Variants in ATG7 observed in about 807,000 individuals in gnomAD.
The protein encoded by ATG7 is ubiquitin-like modifier-activating enzyme ATG7.
A neutral mutation model predicts 82.4 loss-of-function variants in ATG7; 70 were observed. That is an observed-to-expected ratio of 0.85 (90% CI 0.70 to 1.04). The LOEUF (loss-of-function observed/expected upper bound fraction) is 1.04. Among genes scored for constraint, ATG7 ranks in the 50% least tolerant of loss-of-function variants. The probability of loss-of-function intolerance (pLI) is 0.00; values close to 1 mark genes in which losing one functional copy is unlikely to be tolerated. For synonymous variants in ATG7, 287 were observed against 313.0 expected (o/e 0.92, Z 0.88); for missense variants, 792 against 864.3 (o/e 0.92, Z 1.05).
intron 14 of ATG7, among the ~76,000 whole-genome samples, chr3:11,353,168 G>A (rs1235165146): frequency 6.6e-6 from 1 of 152,216 alleles, no homozygotes; most frequent in Non-Finnish European, 1.5e-5. Flanking sequence ...TTTGGGCCGG[G>A]CACAGTGGCT....
At chr3:11,439,759 AAGCTTTCCAGAAGGGCCTGT>A (rs1024193888) in intron 20 of ATG7, among the ~76,000 whole-genome samples, 1 of 152,182 alleles carries the variant, frequency 6.6e-6, no homozygotes, top group Non-Finnish European at 1.5e-5. Context: ...AGGAGAGAAA[AAGCTTTCCAGAAGGGCCTGT>A]GGCATGACCA....
chr3:11,324,579 C>G (rs1226867552), intron 9 of ATG7, among the ~76,000 whole-genome samples: 1 of 152,152 alleles, frequency 6.6e-6, no homozygotes, highest in Non-Finnish European at 1.5e-5. Flanking sequence ...CATTCCTGCT[C>G]TCTATAGCCC....
intron 19 of ATG7, among the ~76,000 whole-genome samples, chr3:11,396,115 T>G (rs2079246473): frequency 7.5e-6 from 1 of 133,910 alleles, no homozygotes. Context: ...ATCAGAAGTA[T>G]AGGAAAAAAA....
At chr3:11,317,016 AT>A (rs1949508347) in intron 9 of ATG7, among the ~76,000 whole-genome samples, 1 of 151,574 alleles carries the variant, frequency 6.6e-6, no homozygotes. Flanking sequence ...TTTTTGTTGT[AT>A]TTTTATTAGA....
chr3:11,466,291 TC>T (rs576329187), intron 20 of ATG7, among the ~76,000 whole-genome samples: 45 of 152,360 alleles, frequency 3.0e-4, no homozygotes, highest in African/African-American at 1.0e-3. Context: ...AATATGTTTT[TC>T]CCCTCTTAAT....
In ATG7 at chr3:11,315,456, A is replaced by C; in HGVS notation, c.641A>C (p.Lys214Thr). 1 of 1,611,470 alleles carries C rather than the reference A, an allele frequency of 6.2e-7. No homozygotes were observed. Among genetic ancestry groups the C allele is most frequent in the African/African-American group, 1.3e-5 (1 of 74,962 alleles). ...AACATGGTGCTGGTTTCCTTGCTTA[A>C]ACACTACAGTGATTTCTTCCAAGGT... ...DENMVLVSLLKHYSDFFQGQR... is the reference protein window; with the variant it reads ...DENMVLVSLLTHYSDFFQGQR... Residue 214 changes from lysine (K) to threonine (T), a missense_variant, in exon 9 of 21, where the codon AAA becomes ACA. Transcript: ENST00000693202.
At chr3:11,515,215 TA>T (rs1553704938) in intron 20 of ATG7, among the ~76,000 whole-genome samples, 1 of 152,204 alleles carries the variant, frequency 6.6e-6, no homozygotes, top group Non-Finnish European at 1.5e-5. Context: ...AAAGGGACAC[TA>T]TAACACTTAG....
At chr3:11,484,702 C>T (rs2089424843) in intron 20 of ATG7, among the ~76,000 whole-genome samples, 1 of 152,172 alleles carries the variant, frequency 6.6e-6, no homozygotes, top group South Asian at 2.1e-4. Flanking sequence ...CCTCCCCTGA[C>T]CCCACGACAG....
At chr3:11,413,448 C>T (rs933244878) in intron 19 of ATG7, among the ~76,000 whole-genome samples, 1 of 152,112 alleles carries the variant, frequency 6.6e-6, no homozygotes, top group South Asian at 2.1e-4. Context: ...CCACTTTCTT[C>T]AGTTTATATG....
intron 3 of ATG7, chr3:11,290,650 G>T: frequency 4.0e-6 from 1 of 248,274 alleles, no homozygotes; most frequent in South Asian, 3.5e-5. Flanking sequence ...AAGGCACCAG[G>T]AACCACTATC....
intron 20 of ATG7, among the ~76,000 whole-genome samples, chr3:11,486,946 A>G (rs1574966582): frequency 1.3e-5 from 2 of 151,570 alleles, no homozygotes; most frequent in African/African-American, 2.4e-5. Context: ...CAAGTGAACA[A>G]AGGTCTTTGG....
chr3:11,334,969 AAAAAAAAT>A (rs1266282856), intron 11 of ATG7, among the ~76,000 whole-genome samples: 2 of 151,332 alleles, frequency 1.3e-5, no homozygotes, highest in African/African-American at 2.4e-5. Flanking sequence ...AAAAAAAAAA[AAAAAAAAT>A]CTCTTCTGAG....
intron 20 of ATG7, among the ~76,000 whole-genome samples, chr3:11,527,610 G>A (rs2092612453): frequency 6.6e-6 from 1 of 152,180 alleles, no homozygotes. Context: ...ACAGAGATCT[G>A]TGGTCATAGG....
At chr3:11,440,081 T>C (rs1281621117) in intron 20 of ATG7, among the ~76,000 whole-genome samples, 4 of 152,208 alleles carry the variant, frequency 2.6e-5, no homozygotes, top group Admixed American at 2.6e-4. Flanking sequence ...TACTTTCATA[T>C]TGAGCAGTTT....
At chr3:11,435,902 G>T (rs1007962978) in intron 20 of ATG7, among the ~76,000 whole-genome samples, 1 of 152,146 alleles carries the variant, frequency 6.6e-6, no homozygotes, top group African/African-American at 2.4e-5. Context: ...ACAGCATTTT[G>T]CAAATCATAC....
At chr3:11,568,942 A>T in the ATG7 span, 1 of 1,223,790 alleles carries the variant, frequency 8.2e-7, no homozygotes, top group Non-Finnish European at 1.0e-6. This position sits in a 1 kb window ranked among gnomAD's most constrained non-coding sequence, Gnocchi z 5.9. Context: ...CCAGCTGCCC[A>T]CGGAGAGAAA....
chr3:11,388,952 A>G (rs2078545409), intron 19 of ATG7, among the ~76,000 whole-genome samples: 1 of 152,104 alleles, frequency 6.6e-6, no homozygotes, highest in East Asian at 1.9e-4. Context: ...GAGTATTTTA[A>G]GTACCTAAAT....
At chr3:11,387,986 TACAG>T (rs2078447652) in intron 19 of ATG7, among the ~76,000 whole-genome samples, 2 of 152,038 alleles carry the variant, frequency 1.3e-5, no homozygotes. Context: ...CACACAGTTT[TACAG>T]ACAATTTCAG....
chr3:11,432,952 G>GTCCAAGTCATGGAGCTAT (rs2083041151), intron 20 of ATG7, among the ~76,000 whole-genome samples: 1 of 152,086 alleles, frequency 6.6e-6, no homozygotes, highest in African/African-American at 2.4e-5. Flanking sequence ...ACCACAGGGT[G>GTCCAAGTCATGGAGCTAT]TCCAAGTCAT....
Sources: allele counts gnomAD v4.1 joint callset (sites outside exome capture counted in the v4.1 genomes callset), GRCh38; gene constraint gnomAD v4.1.1; non-coding constraint Gnocchi (gnomAD v3.1); transcripts MANE v1.5; gene names NCBI Gene and HGNC (gene_info 2026-07-23, HGNC 2026-07-21).